Variants in ST6GALNAC3 observed in about 807,000 individuals in gnomAD.
The protein encoded by ST6GALNAC3 is ST6 N-acetylgalactosaminide alpha-2,6-sialyltransferase 3, also known as alpha-N-acetylgalactosaminide alpha-2,6-sialyltransferase 3.
ST6GALNAC3 carries 25 observed loss-of-function variants against 32.7 expected under a neutral mutation model. The observed-to-expected ratio is 0.76, with a 90% confidence interval of 0.56 to 1.07. ST6GALNAC3 has a LOEUF of 1.07. Ranked by LOEUF, ST6GALNAC3 falls within the 50% of genes least tolerant of loss-of-function variation. ST6GALNAC3 has a pLI of 0.00. For missense variants in ST6GALNAC3, 355 were observed against 382.4 expected, an observed-to-expected ratio of 0.93 and a Z score of 0.60; for synonymous variants, 129 against 133.1, an observed-to-expected ratio of 0.97 and a Z score of 0.21.
chr1:76,288,026 A>C (rs925571112), intron 1 of ST6GALNAC3, among the ~76,000 whole-genome samples: 1 of 152,164 alleles, frequency 6.6e-6, no homozygotes, highest in Non-Finnish European at 1.5e-5. Context: ...TCACTGCCCA[A>C]CTGAGAAGTA....
intron 3 of ST6GALNAC3, among the ~76,000 whole-genome samples, chr1:76,581,187 C>T (rs1324581696): frequency 1.3e-5 from 2 of 152,054 alleles, no homozygotes; most frequent in Non-Finnish European, 2.9e-5. Flanking sequence ...TAATCCTCAT[C>T]TTCTTTTTAT....
At chr1:76,627,266 A>G (rs962537882) in intron 3 of ST6GALNAC3, among the ~76,000 whole-genome samples, 186 bp from the exon 4 acceptor site, 1 of 151,982 alleles carries the variant, frequency 6.6e-6, no homozygotes, top group African/African-American at 2.4e-5. Context: ...ATTCCTATAA[A>G]TTATTCAGAG....
At chr1:76,293,817 T>G (rs562798185) in intron 1 of ST6GALNAC3, among the ~76,000 whole-genome samples, 12 of 152,136 alleles carry the variant, frequency 7.9e-5, no homozygotes, top group Non-Finnish European at 1.6e-4. Flanking sequence ...ACAGGCTATA[T>G]TGATGTTGCG....
chr1:76,191,317 A>G (rs1653882672), intron 1 of ST6GALNAC3, among the ~76,000 whole-genome samples: 1 of 152,106 alleles, frequency 6.6e-6, no homozygotes, highest in African/African-American at 2.4e-5. Flanking sequence ...AAGAATTGAT[A>G]TCATAGAAAC....
At chr1:76,460,256 G>A (rs150182464) in intron 3 of ST6GALNAC3, among the ~76,000 whole-genome samples, 3,428 of 151,810 alleles carry the variant, frequency 0.023, 135 homozygotes, top group African/African-American at 0.076. Flanking sequence ...TTTTTCAAGC[G>A]CTTGTTGACC....
intron 3 of ST6GALNAC3, among the ~76,000 whole-genome samples, chr1:76,582,580 TC>T (rs1275723032): frequency 2.0e-5 from 3 of 152,256 alleles, no homozygotes; most frequent in African/African-American, 7.2e-5. Flanking sequence ...AATGCATAAA[TC>T]CCTTAACAAA....
chr1:76,271,840 GA>G (rs1426917784), intron 1 of ST6GALNAC3, among the ~76,000 whole-genome samples: 1 of 152,162 alleles, frequency 6.6e-6, no homozygotes, highest in Non-Finnish European at 1.5e-5. Flanking sequence ...GTGGTGAGAA[GA>G]GGTTAGATTT....
chr1:76,254,604 G>A (rs192766312), intron 1 of ST6GALNAC3, among the ~76,000 whole-genome samples: 1 of 152,172 alleles, frequency 6.6e-6, no homozygotes, highest in Non-Finnish European at 1.5e-5. Flanking sequence ...TCAACCTCCT[G>A]CAAAAGCTGA....
intron 3 of ST6GALNAC3, among the ~76,000 whole-genome samples, chr1:76,479,539 A>G (rs535424662): frequency 6.6e-6 from 1 of 152,348 alleles, no homozygotes; most frequent in East Asian, 1.9e-4. Context: ...ATGTCATAAC[A>G]TGGCGGAAGC....
chr1:76,193,871 G>T (rs1230991201), intron 1 of ST6GALNAC3, among the ~76,000 whole-genome samples: 2 of 152,200 alleles, frequency 1.3e-5, no homozygotes, highest in African/African-American at 4.8e-5. Context: ...GTGGTAGAGA[G>T]AGAGTGAACA....
chr1:76,356,329 TA>T, intron 2 of ST6GALNAC3, among the ~76,000 whole-genome samples: 1 of 148,694 alleles, frequency 6.7e-6, no homozygotes, highest in East Asian at 2.0e-4. Context: ...CGGATCCAAA[TA>T]TAAAGGCCAA....
intron 1 of ST6GALNAC3, among the ~76,000 whole-genome samples, chr1:76,262,297 T>C (rs1658283800): frequency 6.6e-6 from 1 of 152,202 alleles, no homozygotes; most frequent in South Asian, 2.1e-4. Context: ...GAACCAGTAC[T>C]CCAACCCAGC....
intron 3 of ST6GALNAC3, among the ~76,000 whole-genome samples, chr1:76,595,350 T>C (rs1647118685): frequency 6.6e-6 from 1 of 152,144 alleles, no homozygotes; most frequent in Admixed American, 6.6e-5. Context: ...TCCTTGTACC[T>C]ACTCCTTGCC....
intron 3 of ST6GALNAC3, among the ~76,000 whole-genome samples, chr1:76,499,235 TTGG>T (rs1420812435): frequency 6.6e-6 from 1 of 152,174 alleles, no homozygotes; most frequent in African/African-American, 2.4e-5. Context: ...GGAAAAACTG[TTGG>T]TGGGAGTATA....
intron 3 of ST6GALNAC3, among the ~76,000 whole-genome samples, chr1:76,625,228 A>G (rs1212927640): frequency 6.6e-6 from 1 of 151,952 alleles, no homozygotes; most frequent in East Asian, 1.9e-4. Flanking sequence ...CCCTCACTAG[A>G]CCATGTACTC....
At chr1:76,572,685 T>G (rs315021) in intron 3 of ST6GALNAC3, among the ~76,000 whole-genome samples, 19,882 of 152,144 alleles carry the variant, frequency 0.13, 2,409 homozygotes, top group African/African-American at 0.32. Context: ...TGTAATCATG[T>G]GTGAATCTTT....
chr1:76,181,338 G>A lies in ST6GALNAC3; in HGVS notation c.18+106454G>A, dbSNP rs61771351. Among the ~76,000 whole-genome samples, 1,127 of 152,322 alleles carry A rather than the reference G, an allele frequency of 7.4e-3. 11 individuals carry two copies. The highest frequency in any genetic ancestry group is 0.017 in the Middle Eastern group (5 of 294). On this transcript the variant is annotated intron_variant, in intron 1 of 4. Transcript: ENST00000328299. ...CCTGTGTGACTTTTCTAGAAAGAAA[G>A]TCTTGATTGCCTCTATTTTACTTCT...
intron 1 of ST6GALNAC3, among the ~76,000 whole-genome samples, chr1:76,196,146 A>G (rs1654191286): frequency 1.3e-5 from 2 of 152,162 alleles, no homozygotes; most frequent in South Asian, 4.1e-4. Context: ...GTCCTATATA[A>G]GTGTTATTAT....
intron 3 of ST6GALNAC3, among the ~76,000 whole-genome samples, chr1:76,516,687 GTCT>G (rs1557516304): frequency 6.6e-6 from 1 of 152,044 alleles, no homozygotes; most frequent in African/African-American, 2.4e-5. Context: ...AAAAGTTACT[GTCT>G]TCTTATTTTA....
Sources: gnomAD v4.1 joint callset for allele counts (sites outside exome capture counted in the v4.1 genomes callset) on GRCh38, gnomAD v4.1.1 for gene constraint, MANE v1.5 for transcripts, NCBI Gene and HGNC (gene_info 2026-07-23, HGNC 2026-07-21) for gene names.